The following BCL11B variants were observed in gnomAD, a reference collection of about 807,000 sequenced individuals.
BCL11B encodes B-cell lymphoma/leukemia 11B.
A neutral mutation model predicts 49.9 loss-of-function variants in BCL11B; 8 were observed. The ratio of observed to expected loss-of-function variants is 0.16; its 90% CI spans 0.09 to 0.29. The LOEUF (loss-of-function observed/expected upper bound fraction) is 0.29. Ranked by LOEUF, BCL11B falls within the 10% of genes least tolerant of loss-of-function variation. The probability of loss-of-function intolerance (pLI) is 1.00; values close to 1 mark genes in which losing one functional copy is unlikely to be tolerated. For missense variants in BCL11B, 1,006 were observed against 1,351.0 expected, an observed-to-expected ratio of 0.74 and a Z score of 4.00; for synonymous variants, 739 against 637.4, an observed-to-expected ratio of 1.16 and a Z score of -2.40.
rs1888174464 is a variant in BCL11B at position 99,226,790 on chromosome 14, G to A, written c.640+4555C>T. Among the ~76,000 whole-genome samples the A allele has an allele frequency of 2.0e-5, 3 of 152,156 alleles. No homozygotes were observed. The South Asian group carries it at 6.2e-4, about 32-fold the overall frequency. ...AGGAGGAGAAAAGGATAGATTCTATGGTTAAACCCTACTATTTACTTACAG... is the reference window on the plus strand; with the variant it reads ...AGGAGGAGAAAAGGATAGATTCTATAGTTAAACCCTACTATTTACTTACAG... On this transcript the variant is annotated intron_variant, in intron 3 of 3. Coordinates refer to ENST00000357195, the MANE Select transcript of BCL11B (RefSeq NM_138576.4).
intron 2 of BCL11B, among the ~76,000 whole-genome samples, chr14:99,238,580 A>C (rs1039365374): frequency 7.9e-5 from 12 of 152,068 alleles, no homozygotes; most frequent in Admixed American, 7.2e-4. Flanking sequence ...TCTTCTGTGA[A>C]CCACGGAGGT....
intron 2 of BCL11B, among the ~76,000 whole-genome samples, chr14:99,233,084 G>A (rs1449745868): frequency 6.6e-6 from 1 of 152,252 alleles, no homozygotes; most frequent in Non-Finnish European, 1.5e-5. Flanking sequence ...GATGCTGAGG[G>A]GAAGGCCATG....
At chr14:99,181,091 G>A (rs1886686733) in intron 3 of BCL11B, among the ~76,000 whole-genome samples, 2 of 152,146 alleles carry the variant, frequency 1.3e-5, no homozygotes, top group South Asian at 4.1e-4. Context: ...GGCCATAATT[G>A]ATAGGGGTCC....
At chr14:99,208,264 C>G (rs1441232130) in intron 3 of BCL11B, among the ~76,000 whole-genome samples, 1 of 152,116 alleles carries the variant, frequency 6.6e-6, no homozygotes, top group Non-Finnish European at 1.5e-5. Flanking sequence ...GCCTGGCATC[C>G]CTTCCCCCAC....
At chr14:99,212,782 G>A (rs915349558) in intron 3 of BCL11B, among the ~76,000 whole-genome samples, 8 of 152,208 alleles carry the variant, frequency 5.3e-5, no homozygotes, top group African/African-American at 1.7e-4. Context: ...GCCCATGTGA[G>A]AGGCAGAAAG....
rs559284354 is a variant in BCL11B, at chr14:99,245,915, C to CGCTGGGCTGCT, written c.427+11545_427+11555dup. The stretch of plus-strand genomic sequence containing the variant: ...GCTGGCCCGGGGCCAGAGGCGTGCT[C>CGCTGGGCTGCT]GCTGGGCTGCTGCTGGGCTGGGGAC... On this transcript the variant is annotated intron_variant, in intron 2 of 3. Coordinates refer to ENST00000357195, the MANE Select transcript of BCL11B (RefSeq NM_138576.4). 4.6e-3 allele frequency among the ~76,000 whole-genome samples: 699 copies of CGCTGGGCTGCT among 151,920 alleles called. 1 individual carries two copies. The highest frequency in any genetic ancestry group is 0.014 in the Middle Eastern group (4 of 294).
chr14:99,204,736 GAGAGCT>G (rs1179813230), intron 3 of BCL11B, among the ~76,000 whole-genome samples: 1 of 152,234 alleles, frequency 6.6e-6, no homozygotes, highest in African/African-American at 2.4e-5. Context: ...CAGACAGAGC[GAGAGCT>G]CGAGCCCAAG....
At chr14:99,239,979 C>G (rs900561029) in intron 2 of BCL11B, among the ~76,000 whole-genome samples, 1 of 152,050 alleles carries the variant, frequency 6.6e-6, no homozygotes, top group African/African-American at 2.4e-5. Flanking sequence ...GACTCAAGCC[C>G]GAAGCAGCCA....
intron 1 of BCL11B, among the ~76,000 whole-genome samples, chr14:99,261,524 C>A (rs1889337823): frequency 6.6e-6 from 1 of 152,064 alleles, no homozygotes; most frequent in East Asian, 1.9e-4. Flanking sequence ...GAAAAAGCAC[C>A]AGGAAAAAGA....
At position 99,175,993 on chromosome 14, in the gene BCL11B, A is replaced by G. The variant is rs780199823; in HGVS notation, c.843T>C (p.Asn281=). The G allele has an allele frequency of 4.6e-6, 7 of 1,518,126 alleles. No homozygotes were observed. Among genetic ancestry groups the G allele is most frequent in the Non-Finnish European group, 6.2e-6 (7 of 1,133,438 alleles). The allele number at this position is 1,518,126 out of a possible 1,614,324, so 94.0% of individuals were successfully genotyped here. Residue 281 remains asparagine, a synonymous_variant, in exon 4 of 4, where the codon AAT becomes AAC. Coordinates refer to ENST00000357195, the MANE Select transcript of BCL11B (RefSeq NM_138576.4). ...PEAVAQSPLM[N]FLGDSNPFNL... is the part of the protein sequence containing the mutation. ...TGAAGGGGTTGCTGTCGCCCAGGAAATTCATGAGCGGGGACTGCGCCACGG... is the reference window on the plus strand; with the variant it reads ...TGAAGGGGTTGCTGTCGCCCAGGAAGTTCATGAGCGGGGACTGCGCCACGG...
chr14:99,230,749 G>A (rs550737684), intron 3 of BCL11B, among the ~76,000 whole-genome samples: 15 of 152,280 alleles, frequency 9.9e-5, no homozygotes, highest in African/African-American at 2.2e-4. Context: ...GCCCAGAGCC[G>A]GACGCACAGC....
rs11302505 is a variant in BCL11B at position 99,191,402 on chromosome 14, T to TA, written c.641-15208dup. Among the ~76,000 whole-genome samples the TA allele has an allele frequency of 4.5e-3, 644 of 144,346 alleles. 20 individuals are homozygous for TA. In the East Asian group the frequency reaches 0.089, roughly 20 times the overall value. The allele number at this position is 144,346 out of a possible 152,430, so 94.7% of individuals were successfully genotyped here. A position where few individuals can be genotyped will look rare whatever the true frequency, so the allele number is the denominator to read the frequency against. On this transcript the variant is annotated intron_variant, in intron 3 of 3. Transcript: ENST00000357195. ...TCCTTGTGGGGACCGCACCTAAATC[T>TA]AAAAAAAAAAAAATAGACTGAAAGA...
At chr14:99,198,681 C>T (rs1340503580) in intron 3 of BCL11B, among the ~76,000 whole-genome samples, 1 of 151,998 alleles carries the variant, frequency 6.6e-6, no homozygotes, top group Non-Finnish European at 1.5e-5. Flanking sequence ...GCCTTCCAAA[C>T]AGAGTGCACC....
intron 3 of BCL11B, among the ~76,000 whole-genome samples, chr14:99,209,004 A>G (rs1887614192): frequency 6.6e-6 from 1 of 152,216 alleles, no homozygotes; most frequent in Non-Finnish European, 1.5e-5. Flanking sequence ...GAAGCAGAGC[A>G]CAGTGACAGC....
At chr14:99,217,605 A>G (rs746717454) in intron 3 of BCL11B, among the ~76,000 whole-genome samples, 1 of 152,054 alleles carries the variant, frequency 6.6e-6, no homozygotes, top group Non-Finnish European at 1.5e-5. Flanking sequence ...TCCAGGGGGA[A>G]CCCCCACCCC....
At chr14:99,268,874 T>G in intron 1 of BCL11B, among the ~76,000 whole-genome samples, 1 of 152,136 alleles carries the variant, frequency 6.6e-6, no homozygotes, top group African/African-American at 2.4e-5. Flanking sequence ...ACTGCTCCAG[T>G]GTCAGCTGGC....
intron 2 of BCL11B, among the ~76,000 whole-genome samples, chr14:99,240,030 A>G (rs755675909): frequency 2.0e-5 from 3 of 152,220 alleles, no homozygotes; most frequent in Non-Finnish European, 4.4e-5. Flanking sequence ...GGAGTCATGG[A>G]TATGAGGAAT....
chr14:99,251,983 T>C (rs1376401811), intron 2 of BCL11B, among the ~76,000 whole-genome samples: 2 of 152,148 alleles, frequency 1.3e-5, no homozygotes, highest in African/African-American at 2.4e-5. Flanking sequence ...GTTAGAAATA[T>C]ATATTTCAAG....
intron 3 of BCL11B, among the ~76,000 whole-genome samples, chr14:99,198,248 A>G (rs188564697): frequency 1.3e-5 from 2 of 152,388 alleles, no homozygotes; most frequent in African/African-American, 4.8e-5. Flanking sequence ...ACAAACAAGG[A>G]TATGGAAGGA....
Sources: gnomAD v4.1 joint callset for allele counts (sites outside exome capture counted in the v4.1 genomes callset) on GRCh38, gnomAD v4.1.1 for gene constraint, MANE v1.5 for transcripts, NCBI Gene and HGNC (gene_info 2026-07-23, HGNC 2026-07-21) for gene names.